The following SFRP2 variants were observed in gnomAD, a reference collection of about 807,000 sequenced individuals.
SFRP2 encodes secreted frizzled related protein 2.
Under a neutral mutation model 26.0 loss-of-function variants are expected in SFRP2, and 16 were observed. The observed-to-expected ratio is 0.61, with a 90% CI of 0.42 to 0.93. SFRP2 has a LOEUF of 0.93. Ranked by LOEUF, SFRP2 falls within the 40% of genes least tolerant of loss-of-function variation. The pLI, the probability that SFRP2 is intolerant of heterozygous loss-of-function variation, is 0.00. For missense variants in SFRP2, 343 were observed against 392.4 expected (o/e 0.87, Z 1.06); for synonymous variants, 173 against 167.3 (o/e 1.03, Z -0.26).
At chr4:153,786,600 C>G (rs1040999533) in intron 1 of SFRP2, among the ~76,000 whole-genome samples, 2 of 152,158 alleles carry the variant, frequency 1.3e-5, no homozygotes, top group Admixed American at 6.5e-5. Flanking sequence ...CACCTTGTGC[C>G]TCTGCCAAGA....
At chr4:153,786,908 G>A (rs1741219608) in intron 1 of SFRP2, among the ~76,000 whole-genome samples, 1 of 151,060 alleles carries the variant, frequency 6.6e-6, no homozygotes, top group Non-Finnish European at 1.5e-5. Flanking sequence ...ATTTATAAAT[G>A]TGTTAATTAT....
intron 2 of SFRP2, among the ~76,000 whole-genome samples, chr4:153,782,440 G>A (rs568103122): frequency 8.5e-5 from 13 of 152,300 alleles, no homozygotes; most frequent in African/African-American, 3.1e-4. Flanking sequence ...GATCATATAT[G>A]TACTGTTTCC....
rs547571397 is a variant in SFRP2, at chr4:153,789,058, G to T, written c.-223C>A. ...CAGCTCCGGGGGGCTCCGACCCGGG[G>T]GAGCAGAATGAGCCGTTGCTGGGGC... On this transcript the variant is annotated 5_prime_UTR_variant, in exon 1 of 3. Transcript: ENST00000274063. 867 of 512,158 alleles carry T rather than the reference G, an allele frequency of 1.7e-3. 1 individual carries two copies. The highest frequency in any genetic ancestry group is 2.5e-3 in the Non-Finnish European group (732 of 298,204). 31.7% of individuals were successfully genotyped at this position (512,158 alleles called of 1,614,324 possible). A position where few individuals can be genotyped will look rare whatever the true frequency, so the allele number is the denominator to read the frequency against.
rs527704612 is a variant in SFRP2, at chr4:153,788,322, G to A, written c.502+12C>T. On this transcript the variant is annotated intron_variant, in intron 1 of 2. Transcript: ENST00000274063. ...CCCAGCAGGGAGTGGGGAAGCAAGA[G>A]GGAAGGCTTACCTTCCTCGGTGGCT... is the stretch of plus-strand genomic sequence containing the variant. 1 of 1,606,130 alleles carries A rather than the reference G, an allele frequency of 6.2e-7. No homozygotes were observed. Among genetic ancestry groups the A allele is most frequent in the African/African-American group, 1.3e-5 (1 of 74,986 alleles).
In SFRP2 at chr4:153,788,869, C is replaced by A; in HGVS notation, c.-34G>T. 6.5e-7 allele frequency: 1 copy of A among 1,534,462 alleles called. No individual in the cohort carries two copies. Among genetic ancestry groups the A allele is most frequent in the Non-Finnish European group, 8.7e-7 (1 of 1,147,162 alleles). Reference sequence around the variant, plus strand: ...CGCGACCCCGAGGGGGCAGAGGGAGCGGAGCCGGGGAAGGGCGAGGCGGCC... The same window carrying A: ...CGCGACCCCGAGGGGGCAGAGGGAGAGGAGCCGGGGAAGGGCGAGGCGGCC... On this transcript the variant is annotated 5_prime_UTR_variant, in exon 1 of 3. Coordinates refer to ENST00000274063, the MANE Select transcript of SFRP2 (RefSeq NM_003013.3).
chr4:153,787,709 T>C (rs180928701), intron 1 of SFRP2, among the ~76,000 whole-genome samples: 2 of 152,400 alleles, frequency 1.3e-5, no homozygotes, highest in East Asian at 3.8e-4. Context: ...CTTCCTCAAG[T>C]ATCTGAGCAG....
intron 2 of SFRP2, among the ~76,000 whole-genome samples, chr4:153,782,594 A>G (rs1170523274): frequency 6.6e-6 from 1 of 152,262 alleles, no homozygotes; most frequent in Non-Finnish European, 1.5e-5. Flanking sequence ...TCAAGACTCC[A>G]TGAAAGCAGG....
intron 2 of SFRP2, among the ~76,000 whole-genome samples, chr4:153,785,027 T>C (rs1443732435): frequency 6.6e-6 from 1 of 152,154 alleles, no homozygotes; most frequent in Non-Finnish European, 1.5e-5. Context: ...AAGCCCCAGC[T>C]CTCTTTCCCC....
At chr4:153,782,063 G>T (rs561602116) in intron 2 of SFRP2, among the ~76,000 whole-genome samples, 1 of 152,296 alleles carries the variant, frequency 6.6e-6, no homozygotes, top group African/African-American at 2.4e-5. Context: ...TTGTAAGAAA[G>T]TTGCATGTGG....
In SFRP2 at chr4:153,789,025, C is replaced by A; in HGVS notation, c.-190G>T. ...GACAGCGCGGGCGAGGCGCTGCAAG[C>A]CCGCGCGCAGCTCCGGGGGGCTCCG... On this transcript the variant is annotated 5_prime_UTR_variant, in exon 1 of 3. Coordinates refer to ENST00000274063, the MANE Select transcript of SFRP2 (RefSeq NM_003013.3). 1 of 603,752 alleles carries A rather than the reference C, an allele frequency of 1.7e-6. No individual in the cohort carries two copies. The highest frequency in any genetic ancestry group is 2.7e-5 in the South Asian group (1 of 37,520). 37.4% of individuals were successfully genotyped at this position (603,752 alleles called of 1,614,324 possible).
Position 153,788,894 on chromosome 4 carries a change from C to A in SFRP2, c.-59G>T. The A allele has an allele frequency of 2.0e-6, 3 of 1,480,092 alleles. No individual in the cohort carries two copies. The highest frequency in any genetic ancestry group is 2.7e-6 in the Non-Finnish European group (3 of 1,119,140). The allele number at this position is 1,480,092 out of a possible 1,614,324, so 91.7% of individuals were successfully genotyped here. A position where few individuals can be genotyped will look rare whatever the true frequency, so the allele number is the denominator to read the frequency against. On this transcript the variant is annotated 5_prime_UTR_variant, in exon 1 of 3. Coordinates refer to ENST00000274063, the MANE Select transcript of SFRP2 (RefSeq NM_003013.3). Reference sequence around the variant, plus strand: ...CGGAGCCGGGGAAGGGCGAGGCGGCCGGAGTTCGAGCTTGTCCCGGGCCCG... The same window carrying A: ...CGGAGCCGGGGAAGGGCGAGGCGGCAGGAGTTCGAGCTTGTCCCGGGCCCG...
chr4:153,782,739 G>T (rs1204204719), intron 2 of SFRP2, among the ~76,000 whole-genome samples: 3 of 152,208 alleles, frequency 2.0e-5, no homozygotes, highest in Admixed American at 6.5e-5. Flanking sequence ...TAGAACTCCA[G>T]TTGCCAAACC....
At position 153,788,781 on chromosome 4, in the gene SFRP2, GGCAGCAGTGCGAGGCGAGGAAGAGCA is replaced by G. The variant is rs1192287486; in HGVS notation, c.29_54del (p.Leu10ProfsTer88). The stretch of plus-strand genomic sequence containing the variant: ...AGGAAGAGCCCGCGCGCCGAGCCCA[GGCAGCAGTGCGAGGCGAGGAAGAGCA>G]GCAGCAGCGAGCCAGGGCCCTGCAG... On this transcript the variant is annotated frameshift_variant, in exon 1 of 3. Coordinates refer to ENST00000274063, the MANE Select transcript of SFRP2 (RefSeq NM_003013.3). LOFTEE classifies it high-confidence loss of function. 2 of 1,609,866 alleles carry G rather than the reference GGCAGCAGTGCGAGGCGAGGAAGAGCA, an allele frequency of 1.2e-6. No homozygotes were observed. The highest frequency in any genetic ancestry group is 2.2e-5 in the South Asian group (2 of 91,060).
At chr4:153,784,288 C>T (rs1741166326) in intron 2 of SFRP2, among the ~76,000 whole-genome samples, 1 of 152,182 alleles carries the variant, frequency 6.6e-6, no homozygotes, top group African/African-American at 2.4e-5. Context: ...AGTGATGTAG[C>T]ATGGGGGCTG....
At chr4:153,785,323 T>C (rs773696123) in intron 2 of SFRP2, among the ~76,000 whole-genome samples, 1 of 152,084 alleles carries the variant, frequency 6.6e-6, no homozygotes, top group African/African-American at 2.4e-5. Context: ...CTTTTTCAAC[T>C]TAAGGAACCC....
At chr4:153,786,021 G>GTT in intron 1 of SFRP2, 77 bp from the exon 2 acceptor site, 1 of 791,444 alleles carries the variant, frequency 1.3e-6, no homozygotes, top group East Asian at 3.0e-5. Flanking sequence ...CAACTCAAAG[G>GTT]GACTTATCCA....
At chr4:153,784,813 CT>C (rs1219363188) in intron 2 of SFRP2, among the ~76,000 whole-genome samples, 1 of 152,216 alleles carries the variant, frequency 6.6e-6, no homozygotes, top group Admixed American at 6.5e-5. Flanking sequence ...TGAATAAATA[CT>C]TTTTTAAAAG....
chr4:153,782,346 A>G (rs1317584197), intron 2 of SFRP2, among the ~76,000 whole-genome samples: 1 of 152,210 alleles, frequency 6.6e-6, no homozygotes, highest in Admixed American at 6.5e-5. Flanking sequence ...TTAACAGCAC[A>G]ACGTGGTTAG....
In SFRP2 at chr4:153,781,774, A is replaced by C; in HGVS notation, c.584-19T>G. 6.2e-7 allele frequency: 1 copy of C among 1,604,980 alleles called. No individual in the cohort carries two copies. The highest frequency in any genetic ancestry group is 1.1e-5 in the South Asian group (1 of 90,504). On this transcript the variant is annotated intron_variant, in intron 2 of 2. Coordinates refer to ENST00000274063, the MANE Select transcript of SFRP2 (RefSeq NM_003013.3). The stretch of plus-strand genomic sequence containing the variant: ...TTCAGTGCTATGAGGGAGGGCAGAA[A>C]GAGTCATGCCAGTTATAATGAGGGA...
Sources: allele counts gnomAD v4.1 joint callset (sites outside exome capture counted in the v4.1 genomes callset), GRCh38; gene constraint gnomAD v4.1.1; transcripts MANE v1.5; gene names NCBI Gene and HGNC (gene_info 2026-07-23, HGNC 2026-07-21).